The following CTSO variants were observed in gnomAD, a reference collection of about 807,000 sequenced individuals.
CTSO encodes cathepsin O.
CTSO carries 40 observed loss-of-function variants against 42.4 expected under a neutral mutation model. The observed-to-expected ratio is 0.94, with a 90% CI of 0.73 to 1.23. CTSO has a LOEUF of 1.23. Ranked by LOEUF, CTSO falls within the 50% of genes most tolerant of loss-of-function variation. The probability of loss-of-function intolerance (pLI) is 0.00; values close to 1 mark genes in which losing one functional copy is unlikely to be tolerated. For missense variants in CTSO, 441 were observed against 396.0 expected, an observed-to-expected ratio of 1.11 and a Z score of -0.96; for synonymous variants, 156 against 146.2, an observed-to-expected ratio of 1.07 and a Z score of -0.48.
chr4:155,946,292 A>G (rs907220739), intron 1 of CTSO, among the ~76,000 whole-genome samples: 5 of 152,210 alleles, frequency 3.3e-5, no homozygotes, highest in African/African-American at 9.6e-5. Context: ...GTGTTGCCTT[A>G]TAAGTGTCAT....
At chr4:155,929,761 A>G (rs937155677) in intron 5 of CTSO, 56 bp from the exon 6 acceptor site, 7 of 1,500,414 alleles carry the variant, frequency 4.7e-6, no homozygotes, top group South Asian at 1.3e-5. Flanking sequence ...TAAAAATAAC[A>G]ATGATCTATA....
chr4:155,934,143 C>G (rs550884993), intron 5 of CTSO, among the ~76,000 whole-genome samples: 1 of 152,330 alleles, frequency 6.6e-6, no homozygotes, highest in African/African-American at 2.4e-5. Flanking sequence ...TGTGTGCAGC[C>G]TAGGGACTTA....
At chr4:155,937,075 A>G (rs1485722037) in intron 5 of CTSO, among the ~76,000 whole-genome samples, 1 of 152,060 alleles carries the variant, frequency 6.6e-6, no homozygotes. Context: ...AATAATTTGT[A>G]AGTATAATAA....
intron 1 of CTSO, among the ~76,000 whole-genome samples, chr4:155,953,075 T>A (rs1040259556): frequency 8.0e-5 from 12 of 150,196 alleles, no homozygotes; most frequent in African/African-American, 2.7e-4. Context: ...TTATAAAATA[T>A]AAATTATATT....
In CTSO at chr4:155,925,871, T is replaced by C. The variant is rs543085002; in HGVS notation, c.*165A>G. 1.9e-5 allele frequency: 12 copies of C among 648,190 alleles called. No homozygotes were observed. In the African/African-American group the frequency reaches 2.1e-4, roughly 11 times the overall value. The allele number at this position is 648,190 out of a possible 1,614,324, so 40.2% of individuals were successfully genotyped here. A position where few individuals can be genotyped will look rare whatever the true frequency, so the allele number is the denominator to read the frequency against. ...CACTGACTTTGGTTGTCCATCTCTC[T>C]ACAAGAAGGGAACATTCTGAAACTT... On this transcript the variant is annotated 3_prime_UTR_variant, in exon 8 of 8. Coordinates refer to ENST00000433477, the MANE Select transcript of CTSO (RefSeq NM_001334.3).
In CTSO at chr4:155,926,164, G is replaced by A. The variant is rs916204143; in HGVS notation, c.932-94C>T. The A allele has an allele frequency of 6.1e-6, 5 of 821,644 alleles. No individual in the cohort carries two copies. The African/African-American group carries it at 8.5e-5, about 14-fold the overall frequency. 50.9% of individuals were successfully genotyped at this position (821,644 alleles called of 1,614,324 possible). A position where few individuals can be genotyped will look rare whatever the true frequency, so the allele number is the denominator to read the frequency against. On this transcript the variant is annotated intron_variant, in intron 7 of 7. Coordinates refer to ENST00000433477, the MANE Select transcript of CTSO (RefSeq NM_001334.3). ...AATTTTTCATTTGGGTTCAGAAAGA[G>A]TATCTACTGAGAAAATAATGTAATG...
intron 6 of CTSO, 147 bp downstream of exon 6, chr4:155,929,395 A>G: frequency 4.1e-6 from 3 of 728,042 alleles, no homozygotes; most frequent in Non-Finnish European, 4.2e-6. Context: ...CGGCACATTT[A>G]CTCCTATAAG....
chr4:155,935,636 T>C (rs1458535347), intron 5 of CTSO, among the ~76,000 whole-genome samples: 1 of 152,158 alleles, frequency 6.6e-6, no homozygotes, highest in Admixed American at 6.5e-5. Flanking sequence ...TTTCATTTGT[T>C]CTCTTTGTTA....
chr4:155,945,396 G>A (rs1743523304), intron 1 of CTSO, among the ~76,000 whole-genome samples: 2 of 152,276 alleles, frequency 1.3e-5, no homozygotes, highest in South Asian at 4.1e-4. Context: ...ACAACTTTAT[G>A]ACAATAAATT....
At chr4:155,928,243 G>A in intron 7 of CTSO, 93 bp downstream of exon 7, 1 of 816,772 alleles carries the variant, frequency 1.2e-6, no homozygotes, top group South Asian at 2.9e-5. Context: ...AATTATTACT[G>A]CTAAAGTGGT....
chr4:155,928,442 TA>T lies in CTSO; in HGVS notation c.839-15del. On this transcript the variant is annotated splice_polypyrimidine_tract_variant and intron_variant, in intron 6 of 7. Coordinates refer to ENST00000433477, the MANE Select transcript of CTSO (RefSeq NM_001334.3). ...ATGGAGTGCTTCCTACAGTGAAACA[TA>T]AATAGTAACAAATCCTGAAAACTCA... 1 of 1,566,270 alleles carries T rather than the reference TA, an allele frequency of 6.4e-7. No individual in the cohort carries two copies. The highest frequency in any genetic ancestry group is 8.7e-7 in the Non-Finnish European group (1 of 1,152,426).
At chr4:155,949,909 A>G (rs1190431184) in intron 1 of CTSO, among the ~76,000 whole-genome samples, 1 of 152,172 alleles carries the variant, frequency 6.6e-6, no homozygotes, top group Non-Finnish European at 1.5e-5. Flanking sequence ...TCACCCTACA[A>G]TGAAGAGGAA....
intron 1 of CTSO, among the ~76,000 whole-genome samples, chr4:155,943,983 A>G (rs963223293): frequency 2.0e-5 from 3 of 152,230 alleles, no homozygotes; most frequent in African/African-American, 7.2e-5. Context: ...AGAATAAATA[A>G]AATTTCAGGG....
chr4:155,944,955 T>TAAAAA (rs34358651), intron 1 of CTSO, among the ~76,000 whole-genome samples: 2 of 117,580 alleles, frequency 1.7e-5, no homozygotes, highest in African/African-American at 3.3e-5. Context: ...TGTGATTGAT[T>TAAAAA]AAAAAAAAAA....
intron 5 of CTSO, among the ~76,000 whole-genome samples, chr4:155,933,446 G>A (rs1240906108): frequency 6.6e-6 from 1 of 152,016 alleles, no homozygotes; most frequent in Non-Finnish European, 1.5e-5. Flanking sequence ...ATAGTAAATT[G>A]GTACTAGTAG....
At position 155,953,805 on chromosome 4, in the gene CTSO, GC is replaced by G; in HGVS notation, c.42del (p.Trp14CysfsTer41). The G allele has an allele frequency of 7.4e-7, 1 of 1,347,240 alleles. No homozygotes were observed. Among genetic ancestry groups the G allele is most frequent in the Non-Finnish European group, 9.6e-7 (1 of 1,046,286 alleles). The allele number at this position is 1,347,240 out of a possible 1,614,324, so 83.5% of individuals were successfully genotyped here. A position where few individuals can be genotyped will look rare whatever the true frequency, so the allele number is the denominator to read the frequency against. On this transcript the variant is annotated frameshift_variant, in exon 1 of 8. Coordinates refer to ENST00000433477, the MANE Select transcript of CTSO (RefSeq NM_001334.3). LOFTEE classifies it high-confidence loss of function. Reference protein sequence around the residue: ...RALPWLPWLLWLLCRGGGDAD... With the variant: ...RALPWLPWLLXLLCRGGGDAD... ...GCATCGCCGCCGCCCCGGCACAGCA[GC>G]CACAGCAGCCACGGCAGCCACGGCA...
chr4:155,929,840 TGA>T (rs1463001380), intron 5 of CTSO, 135 bp from the exon 6 acceptor site: 1 of 727,912 alleles, frequency 1.4e-6, no homozygotes, highest in East Asian at 2.9e-5. Flanking sequence ...AAGCTAAGTC[TGA>T]GAGACTGGTA....
At chr4:155,929,729 T>C (rs745839163) in intron 5 of CTSO, 24 bp from the exon 6 acceptor site, 1 of 1,586,892 alleles carries the variant, frequency 6.3e-7, no homozygotes, top group Non-Finnish European at 8.5e-7. Context: ...AAATATTTGG[T>C]TAGAAAATTT....
intron 1 of CTSO, among the ~76,000 whole-genome samples, chr4:155,952,623 T>C (rs1160758637): frequency 6.6e-6 from 1 of 152,110 alleles, no homozygotes; most frequent in Non-Finnish European, 1.5e-5. Flanking sequence ...TCAAGAATAA[T>C]AAAGTGGAGA....
Sources: gnomAD v4.1 joint callset for allele counts (sites outside exome capture counted in the v4.1 genomes callset) on GRCh38, gnomAD v4.1.1 for gene constraint, MANE v1.5 for transcripts, NCBI Gene and HGNC (gene_info 2026-07-23, HGNC 2026-07-21) for gene names.